CNTN4: variants seen among roughly 807,000 people sequenced by gnomAD.
The protein encoded by CNTN4 is contactin-4.
Under a neutral mutation model 122.5 loss-of-function variants are expected in CNTN4, and 77 were observed. The ratio of observed to expected loss-of-function variants is 0.63; its 90% CI spans 0.52 to 0.76. The LOEUF is 0.76. CNTN4 is among the 30% of genes least tolerant of loss of function. The pLI is 0.00. For missense variants in CNTN4, 1,256 were observed against 1,259.1 expected (o/e 1.00, Z 0.04); for synonymous variants, 512 against 447.0 (o/e 1.15, Z -1.83).
chr3:2,219,719 G>A (rs896580165), intron 2 of CNTN4, among the ~76,000 whole-genome samples: 4 of 151,940 alleles, frequency 2.6e-5, no homozygotes, highest in Non-Finnish European at 4.4e-5. Context: ...TATTTACTTA[G>A]AACTCATAAT....
At chr3:2,735,631 G>A (rs2089029349) in intron 4 of CNTN4, among the ~76,000 whole-genome samples, 1 of 152,144 alleles carries the variant, frequency 6.6e-6, no homozygotes, top group Non-Finnish European at 1.5e-5. Flanking sequence ...AAGACGTTGG[G>A]AAAACAAAGA....
chr3:2,605,209 C>A (rs1263090616), intron 4 of CNTN4, among the ~76,000 whole-genome samples: 1 of 152,138 alleles, frequency 6.6e-6, no homozygotes, highest in Non-Finnish European at 1.5e-5. Flanking sequence ...GCTATGTTGA[C>A]AAGGCTGGTT....
At chr3:2,210,488 A>C (rs1302437421) in intron 2 of CNTN4, among the ~76,000 whole-genome samples, 1 of 152,036 alleles carries the variant, frequency 6.6e-6, no homozygotes, top group Non-Finnish European at 1.5e-5. Flanking sequence ...CCTCCAGTAC[A>C]TTTTCCACAC....
chr3:2,905,093 A>G (rs1566364), intron 12 of CNTN4, among the ~76,000 whole-genome samples: 39,684 of 152,014 alleles, frequency 0.26, 5,744 homozygotes, highest in African/African-American at 0.38. Flanking sequence ...CTCTCCCTCT[A>G]GTACTAGGAT....
intron 2 of CNTN4, among the ~76,000 whole-genome samples, chr3:2,165,899 A>C (rs968534355): frequency 6.6e-6 from 1 of 152,124 alleles, no homozygotes; most frequent in African/African-American, 2.4e-5. Flanking sequence ...GCTGTGTGGA[A>C]TATTATATTA....
intron 12 of CNTN4, among the ~76,000 whole-genome samples, chr3:2,912,085 C>G (rs777942275): frequency 1.3e-5 from 2 of 151,778 alleles, no homozygotes; most frequent in Non-Finnish European, 2.9e-5. Context: ...ATTTTAGAAG[C>G]TCAAGAACTG....
chr3:2,587,085 G>C (rs932723124), intron 4 of CNTN4, among the ~76,000 whole-genome samples: 6 of 152,114 alleles, frequency 3.9e-5, no homozygotes, highest in African/African-American at 1.4e-4. Flanking sequence ...GATTATGTTT[G>C]TTTAAAATTC....
chr3:2,099,727 G>A (rs2729046), intron 1 of CNTN4: 58,605 of 152,036 alleles, frequency 0.39, 11,498 homozygotes, highest in East Asian at 0.42. Context: ...GGGGTTTCCA[G>A]TTTCTTTCGA....
intron 3 of CNTN4, among the ~76,000 whole-genome samples, chr3:2,445,700 A>G (rs1220985003): frequency 6.6e-6 from 1 of 151,982 alleles, no homozygotes; most frequent in Non-Finnish European, 1.5e-5. Flanking sequence ...GCATTTTTTC[A>G]TGTCTTAGTA....
In CNTN4 at chr3:2,258,172, G is replaced by T. The variant is rs139644664; in HGVS notation, c.-144-81006G>T. Among the ~76,000 whole-genome samples, 1,096 of 152,288 alleles carry T rather than the reference G, an allele frequency of 7.2e-3. 9 individuals carry two copies. The highest frequency in any genetic ancestry group is 0.011 in the Admixed American group (172 of 15,300). On this transcript the variant is annotated intron_variant, in intron 2 of 24. Transcript: ENST00000418658. The stretch of plus-strand genomic sequence containing the variant: ...AGTGTAAATTAGTTCAACTATTGCG[G>T]AAGACAGTGTGGCAATTCCTCAAGG...
chr3:3,009,703 G>C (rs915620250), intron 14 of CNTN4, among the ~76,000 whole-genome samples: 1 of 152,160 alleles, frequency 6.6e-6, no homozygotes, highest in South Asian at 2.1e-4. Context: ...ATAGTGCTGG[G>C]ATTACAGGCG....
chr3:2,441,524 C>T (rs2048438640), intron 3 of CNTN4, among the ~76,000 whole-genome samples: 1 of 152,188 alleles, frequency 6.6e-6, no homozygotes, highest in Non-Finnish European at 1.5e-5. Context: ...TCTTCTTCAA[C>T]ATATTCTATT....
chr3:2,862,248 A>T (rs932142521), intron 7 of CNTN4, among the ~76,000 whole-genome samples: 8 of 152,258 alleles, frequency 5.3e-5, no homozygotes, highest in Non-Finnish European at 1.2e-4. Context: ...AAGAACAATT[A>T]AAGAGCAACC....
In CNTN4 at chr3:2,840,693, C is replaced by T. The variant is rs549669271; in HGVS notation, c.454+21112C>T. 4.8e-4 allele frequency among the ~76,000 whole-genome samples: 73 copies of T among 150,656 alleles called. No individual in the cohort carries two copies. In the East Asian group the frequency reaches 0.013, roughly 26 times the overall value. ...CAGCCTGGGCGACAGAGCGACACTC[C>T]GTCTCCAAAAAATAAAAAATAAAAA... On this transcript the variant is annotated intron_variant, in intron 7 of 24. Coordinates refer to ENST00000418658, the MANE Select transcript of CNTN4 (RefSeq NM_175607.3).
At chr3:2,685,291 G>A (rs1264214358) in intron 4 of CNTN4, among the ~76,000 whole-genome samples, 1 of 152,084 alleles carries the variant, frequency 6.6e-6, no homozygotes, top group Non-Finnish European at 1.5e-5. Context: ...AATGGGGAGT[G>A]AATACTTGAG....
intron 2 of CNTN4, among the ~76,000 whole-genome samples, chr3:2,181,404 C>T (rs776326211): frequency 2.0e-5 from 3 of 152,028 alleles, no homozygotes; most frequent in Admixed American, 6.6e-5. Context: ...TCTGAAAATT[C>T]ACATTTAGTA....
chr3:2,573,939 AG>A (rs2149508844), intron 4 of CNTN4, among the ~76,000 whole-genome samples: 1 of 152,304 alleles, frequency 6.6e-6, no homozygotes, highest in Admixed American at 6.5e-5. Context: ...GCTTTAGGCC[AG>A]GCATGGTGTC....
At chr3:2,887,565 C>CTT (rs199530465) in intron 10 of CNTN4, among the ~76,000 whole-genome samples, 3 of 146,972 alleles carry the variant, frequency 2.0e-5, no homozygotes, top group African/African-American at 5.0e-5. Context: ...CCTGATTTAT[C>CTT]TTTTTTTTTT....
chr3:3,053,911 T>C lies in CNTN4; in HGVS notation c.2916T>C (p.Ile972=). 6.2e-7 allele frequency: 1 copy of C among 1,614,154 alleles called. No homozygotes were observed. Among genetic ancestry groups the C allele is most frequent in the East Asian group, 2.2e-5 (1 of 44,882 alleles). ...TCGATGAAGATTATATAATAGAAAT[T>C]AAGCCATTCAGCGACGGAGGAGATG... ...LPFDEDYIIE[I]KPFSDGGDGS... is the part of the protein sequence containing the mutation. The change falls in exon 24 of 25, where the codon ATT becomes ATC. Residue 972 remains isoleucine, a synonymous_variant. Coordinates refer to ENST00000418658, the MANE Select transcript of CNTN4 (RefSeq NM_175607.3).
Sources: gnomAD v4.1 joint callset for allele counts (sites outside exome capture counted in the v4.1 genomes callset) on GRCh38, gnomAD v4.1.1 for gene constraint, MANE v1.5 for transcripts, NCBI Gene and HGNC (gene_info 2026-07-23, HGNC 2026-07-21) for gene names.